CAST: variants seen among roughly 807,000 people sequenced by gnomAD.
The protein encoded by CAST is calpastatin.
A neutral mutation model predicts 119.6 loss-of-function variants in CAST; 76 were observed. The ratio of observed to expected loss-of-function variants is 0.64; its 90% confidence interval spans 0.53 to 0.77. The LOEUF (loss-of-function observed/expected upper bound fraction) is 0.77. Ranked by LOEUF, CAST falls within the 30% of genes least tolerant of loss-of-function variation. CAST has a pLI of 0.00. For missense variants in CAST, 953 were observed against 946.5 expected (o/e 1.01, Z -0.09); for synonymous variants, 319 against 331.6 (o/e 0.96, Z 0.41).
chr5:96,430,002 C>G, the CAST span, among the ~76,000 whole-genome samples: 2 of 152,190 alleles, frequency 1.3e-5, no homozygotes, highest in African/African-American at 4.8e-5. Context: ...ACCTGGGATA[C>G]TATCTATGGT....
At chr5:96,422,021 C>CAAAA in the CAST span, 1 of 672,800 alleles carries the variant, frequency 1.5e-6, no homozygotes. Flanking sequence ...AAAAAAAAAG[C>CAAAA]ATCACTTCCC....
the CAST span, among the ~76,000 whole-genome samples, chr5:95,987,446 C>T: frequency 1.3e-5 from 2 of 152,132 alleles, no homozygotes; most frequent in Admixed American, 6.5e-5. Flanking sequence ...CGGAGATATG[C>T]ACGTGCCTAG....
the CAST span, among the ~76,000 whole-genome samples, chr5:96,132,868 C>T: frequency 6.6e-6 from 1 of 152,134 alleles, no homozygotes; most frequent in Non-Finnish European, 1.5e-5. Flanking sequence ...AGCATATCCA[C>T]TGGACTTTAT....
the CAST span, among the ~76,000 whole-genome samples, chr5:96,082,813 C>T: frequency 6.6e-6 from 1 of 151,912 alleles, no homozygotes; most frequent in South Asian, 2.1e-4. Flanking sequence ...AATACATGCT[C>T]TCTGTAGAAA....
chr5:96,307,721 G>A, the CAST span, among the ~76,000 whole-genome samples: 5 of 152,146 alleles, frequency 3.3e-5, no homozygotes, highest in African/African-American at 4.8e-5. Context: ...AGCTTGGTTT[G>A]GCTGGATATG....
At chr5:96,076,962 A>G in the CAST span, among the ~76,000 whole-genome samples, 1 of 150,958 alleles carries the variant, frequency 6.6e-6, no homozygotes, top group African/African-American at 2.4e-5. Flanking sequence ...AGATTTTATA[A>G]TATTTATAAT....
chr5:96,464,807 T>C, the CAST span, among the ~76,000 whole-genome samples: 1 of 152,070 alleles, frequency 6.6e-6, no homozygotes, highest in Non-Finnish European at 1.5e-5. Flanking sequence ...AATACAACAT[T>C]GTTGGCTACA....
At chr5:96,688,531 A>C (rs1038443799) in intron 2 of CAST, among the ~76,000 whole-genome samples, 5 of 152,246 alleles carry the variant, frequency 3.3e-5, no homozygotes, top group Non-Finnish European at 7.3e-5. Flanking sequence ...TATACTGACG[A>C]AGGCATTTTT....
At chr5:96,322,082 G>A in the CAST span, among the ~76,000 whole-genome samples, 2 of 152,156 alleles carry the variant, frequency 1.3e-5, no homozygotes, top group Non-Finnish European at 2.9e-5. Context: ...GGGCCTGAAA[G>A]AATGGGTTCC....
intron 3 of CAST, among the ~76,000 whole-genome samples, chr5:96,716,395 G>T (rs746060442): frequency 6.6e-6 from 1 of 152,180 alleles, no homozygotes; most frequent in African/African-American, 2.4e-5. Context: ...AATTTCTGAC[G>T]ATCAAATAAT....
the CAST span, among the ~76,000 whole-genome samples, chr5:96,396,969 A>T: frequency 7.2e-5 from 11 of 152,242 alleles, no homozygotes; most frequent in African/African-American, 2.7e-4. Context: ...CTCTGGCAGA[A>T]TGTCACACCA....
At chr5:96,737,762 C>G (rs1761952426) in intron 10 of CAST, 87 bp from the exon 11 acceptor site, 1 of 695,320 alleles carries the variant, frequency 1.4e-6, no homozygotes, top group Non-Finnish European at 2.4e-6. Flanking sequence ...GGTGGTTTTT[C>G]TACACAGAAT....
the CAST span, among the ~76,000 whole-genome samples, chr5:96,118,104 A>G: frequency 6.6e-6 from 1 of 152,236 alleles, no homozygotes; most frequent in African/African-American, 2.4e-5. Flanking sequence ...TCAAATGTTT[A>G]CATGAGTTGA....
the CAST span, among the ~76,000 whole-genome samples, chr5:96,285,573 A>G: frequency 2.0e-5 from 3 of 152,212 alleles, no homozygotes; most frequent in Admixed American, 6.5e-5. Flanking sequence ...AGCTGCTGAG[A>G]AAGGACACAT....
At chr5:96,139,296 C>T in the CAST span, among the ~76,000 whole-genome samples, 1 of 151,580 alleles carries the variant, frequency 6.6e-6, no homozygotes, top group African/African-American at 2.4e-5. Context: ...CTTGCATTCT[C>T]CCTTTATTTC....
chr5:96,447,542 T>C, the CAST span, among the ~76,000 whole-genome samples: 1 of 152,204 alleles, frequency 6.6e-6, no homozygotes. Flanking sequence ...ATTTAAATGT[T>C]ACTCACGGGC....
At chr5:96,303,705 G>T in the CAST span, among the ~76,000 whole-genome samples, 1 of 151,874 alleles carries the variant, frequency 6.6e-6, no homozygotes, top group South Asian at 2.1e-4. Flanking sequence ...GTGGTGTTTG[G>T]TTTTCTGTTC....
At chr5:96,029,411 A>C in the CAST span, among the ~76,000 whole-genome samples, 1 of 152,150 alleles carries the variant, frequency 6.6e-6, no homozygotes, top group African/African-American at 2.4e-5. Flanking sequence ...AAAATGTTTT[A>C]TAGATAGAAT....
the CAST span, chr5:96,432,303 T>C: frequency 6.4e-6 from 4 of 625,758 alleles, no homozygotes; most frequent in African/African-American, 7.4e-5. Flanking sequence ...CCTCCCAACC[T>C]CCTGGTCGCG....
Sources: allele counts gnomAD v4.1 joint callset (sites outside exome capture counted in the v4.1 genomes callset), GRCh38; gene constraint gnomAD v4.1.1; transcripts MANE v1.5; gene names NCBI Gene and HGNC (gene_info 2026-07-23, HGNC 2026-07-21).